The following NF1 variants were observed in gnomAD, a reference collection of about 807,000 sequenced individuals.
NF1 encodes the protein neurofibromin 1, also known as neurofibromin.
A neutral mutation model predicts 325.7 loss-of-function variants in NF1; 122 were observed. The ratio of observed to expected loss-of-function variants is 0.37; its 90% CI spans 0.32 to 0.44. The LOEUF (loss-of-function observed/expected upper bound fraction) is 0.44. Among genes scored for constraint, NF1 ranks in the 20% least tolerant of loss-of-function variants. NF1 has a pLI of 1.00. For synonymous variants in NF1, 1,091 were observed against 1,186.0 expected (o/e 0.92, Z 1.65); for missense variants, 2,140 against 3,415.4 (o/e 0.63, Z 9.31).
At chr17:31,273,391 T>A (rs1295579466) in intron 36 of NF1, among the ~76,000 whole-genome samples, 1 of 152,164 alleles carries the variant, frequency 6.6e-6, no homozygotes, top group Non-Finnish European at 1.5e-5. Flanking sequence ...AACCAACTCC[T>A]TCATTTTGCA....
intron 11 of NF1, among the ~76,000 whole-genome samples, chr17:31,204,416 A>G (rs2066584585): frequency 2.6e-5 from 4 of 152,138 alleles, no homozygotes; most frequent in African/African-American, 4.8e-5. Context: ...GGCTATAAAC[A>G]TGGTATTTTC....
At chr17:31,239,556 G>GC (rs2067259233) in intron 29 of NF1, among the ~76,000 whole-genome samples, 2 of 149,528 alleles carry the variant, frequency 1.3e-5, no homozygotes, top group African/African-American at 5.0e-5. Flanking sequence ...AAGATGGGGG[G>GC]AGGAATCAGA....
intron 36 of NF1, among the ~76,000 whole-genome samples, chr17:31,289,139 G>A (rs1025796126): frequency 6.6e-6 from 1 of 152,204 alleles, no homozygotes; most frequent in Admixed American, 6.5e-5. Flanking sequence ...GATGAGTAGG[G>A]TTTGAGAGGG....
chr17:31,319,944 T>A (rs1233538631), intron 36 of NF1, among the ~76,000 whole-genome samples: 2 of 152,080 alleles, frequency 1.3e-5, no homozygotes, highest in Non-Finnish European at 2.9e-5. Context: ...AAGTGGCAGG[T>A]TATAAGCATC....
At chr17:31,250,581 A>T (rs2067477501) in intron 30 of NF1, 2 of 197,974 alleles carry the variant, frequency 1.0e-5, no homozygotes, top group Non-Finnish European at 1.0e-5. Context: ...CCTAAAAGAA[A>T]AATCTTTTTG....
Position 31,337,390 on chromosome 17 carries a change from ACT to A in NF1, c.6452_6453del (p.Leu2151GlnfsTer17). On this transcript the variant is annotated frameshift_variant, in exon 43 of 58. Transcript: ENST00000358273. LOFTEE classifies it high-confidence loss of function. The part of the protein sequence containing the change: ...FSEETKQVLR[L>X]SLTEFSLPKF... ...CAGAAGAGACCAAGCAAGTTTTGAG[ACT>A]CAGTCTGACAGAGTTCTCATTACCC... 6.2e-7 allele frequency: 1 copy of A among 1,613,984 alleles called. No homozygotes were observed. The highest frequency in any genetic ancestry group is 8.5e-7 in the Non-Finnish European group (1 of 1,179,928).
chr17:31,204,702 A>G (rs186115681), intron 11 of NF1, among the ~76,000 whole-genome samples: 1 of 152,220 alleles, frequency 6.6e-6, no homozygotes, highest in African/African-American at 2.4e-5. Flanking sequence ...CAGTAATTTG[A>G]ATAGGATGTT....
At chr17:31,298,278 G>C (rs1054217613) in intron 36 of NF1, among the ~76,000 whole-genome samples, 1 of 152,104 alleles carries the variant, frequency 6.6e-6, no homozygotes, top group Non-Finnish European at 1.5e-5. Flanking sequence ...TCAGTGGACT[G>C]CTTGTGTAAA....
rs1191940529 is a variant in NF1, at chr17:31,375,218, T to C, written c.*1063T>C. On this transcript the variant is annotated 3_prime_UTR_variant, in exon 58 of 58. Transcript: ENST00000358273. ...TGTTAAATAATTTCCAAGAATAGAG[T>C]ATGGTGTATATTATAAATTTCTTTG... The C allele has an allele frequency of 4.5e-6, 1 of 224,594 alleles. No individual in the cohort carries two copies. The highest frequency in any genetic ancestry group is 8.9e-6 in the Non-Finnish European group (1 of 112,440). The allele number at this position is 224,594 out of a possible 1,614,324, so 13.9% of individuals were successfully genotyped here. A position where few individuals can be genotyped will look rare whatever the true frequency, so the allele number is the denominator to read the frequency against.
At chr17:31,095,403 G>A (rs1455172679) in intron 1 of NF1, 34 bp downstream of exon 1, 3 of 1,533,838 alleles carry the variant, frequency 2.0e-6, no homozygotes, top group Non-Finnish European at 2.6e-6. Context: ...AGGTGGGAGC[G>A]GAGTGGGGGT....
intron 36 of NF1, among the ~76,000 whole-genome samples, chr17:31,306,315 A>G (rs1054347989): frequency 1.3e-5 from 2 of 151,736 alleles, no homozygotes; most frequent in African/African-American, 2.4e-5. Flanking sequence ...CACAATTCCT[A>G]AACCTGTACC....
chr17:31,343,485 C>G (rs1400765482), intron 48 of NF1, among the ~76,000 whole-genome samples: 1 of 152,138 alleles, frequency 6.6e-6, no homozygotes, highest in Non-Finnish European at 1.5e-5. Flanking sequence ...GTCGAGGCTA[C>G]AGTGAGCCGT....
rs17881714 is a variant in NF1 at position 31,265,698 on chromosome 17, A to G, written c.4835+359A>G. Among the ~76,000 whole-genome samples the G allele has an allele frequency of 7.8e-3, 1,188 of 152,282 alleles. 20 individuals are homozygous for G. The highest frequency in any genetic ancestry group is 0.027 in the African/African-American group (1,137 of 41,532). ...AACTGGGAACTTTTTTTAAAGGAAG[A>G]AATAAAACTATAAGAGCCTATTTCT... On this transcript the variant is annotated intron_variant, in intron 36 of 57. Coordinates refer to ENST00000358273, the MANE Select transcript of NF1 (RefSeq NM_001042492.3).
chr17:31,157,279 G>A (rs958924537), intron 2 of NF1, among the ~76,000 whole-genome samples: 4 of 152,078 alleles, frequency 2.6e-5, no homozygotes, highest in East Asian at 1.9e-4. Flanking sequence ...GTGAGCCACC[G>A]CGCCCAGCCT....
At chr17:31,226,080 G>C (rs1297974131) in intron 17 of NF1, among the ~76,000 whole-genome samples, 1 of 151,880 alleles carries the variant, frequency 6.6e-6, no homozygotes, top group Non-Finnish European at 1.5e-5. Context: ...TGACTGGGAG[G>C]TACATTATAT....
At chr17:31,309,973 A>G (rs1355665322) in intron 36 of NF1, among the ~76,000 whole-genome samples, 5 of 152,206 alleles carry the variant, frequency 3.3e-5, no homozygotes, top group Middle Eastern at 3.2e-3. Context: ...TTAGAATTCT[A>G]TGATGGCAAT....
chr17:31,256,138 A>T (rs1015526), intron 31 of NF1, among the ~76,000 whole-genome samples: 6,896 of 151,446 alleles, frequency 0.046, 211 homozygotes, highest in Non-Finnish European at 0.074. Flanking sequence ...GTCTGCCTTT[A>T]TTTATTTATT....
At position 31,121,330 on chromosome 17, in the gene NF1, T is replaced by G. The variant is rs563628433; in HGVS notation, c.60+25961T>G. Among the ~76,000 whole-genome samples the G allele has an allele frequency of 3.0e-3, 452 of 152,276 alleles. 4 individuals are homozygous for G. Among genetic ancestry groups the G allele is most frequent in the Middle Eastern group, 0.027 (8 of 294 alleles). Reference sequence around the variant, plus strand: ...CTTCTCTTCAAGATCATGGAAGATTTTATTTCATATATTCATTCATTCAAC... The same window carrying G: ...CTTCTCTTCAAGATCATGGAAGATTGTATTTCATATATTCATTCATTCAAC... On this transcript the variant is annotated intron_variant, in intron 1 of 57. Transcript: ENST00000358273.
intron 26 of NF1, 45 bp from the exon 27 acceptor site, chr17:31,232,957 C>G (rs774063767): frequency 3.1e-6 from 5 of 1,613,420 alleles, no homozygotes; most frequent in Non-Finnish European, 4.2e-6. Context: ...AAAATTACTT[C>G]AGCAAGGCCA....
Sources: gnomAD v4.1 joint callset for allele counts (sites outside exome capture counted in the v4.1 genomes callset) on GRCh38, gnomAD v4.1.1 for gene constraint, MANE v1.5 for transcripts, NCBI Gene and HGNC (gene_info 2026-07-23, HGNC 2026-07-21) for gene names.